Variants in LRIG2 observed in about 807,000 individuals in gnomAD.
LRIG2 encodes the protein leucine-rich repeats and immunoglobulin-like domains protein 2.
A neutral mutation model predicts 107.8 loss-of-function variants in LRIG2; 93 were observed. The observed-to-expected ratio is 0.86, with a 90% confidence interval of 0.73 to 1.03. The LOEUF is 1.03. Among genes scored for constraint, LRIG2 ranks in the 50% least tolerant of loss-of-function variants. The pLI, the probability that LRIG2 is intolerant of heterozygous loss-of-function variation, is 0.00. For missense variants in LRIG2, 1,226 were observed against 1,296.0 expected (o/e 0.95, Z 0.83); for synonymous variants, 471 against 470.6 (o/e 1.00, Z -0.01).
rs746528662 is a variant in LRIG2 at position 113,110,559 on chromosome 1, A to T, written c.1795A>T (p.Asn599Tyr). The T allele has an allele frequency of 6.3e-7, 1 of 1,595,108 alleles. No homozygotes were observed. Among genetic ancestry groups the T allele is most frequent in the Non-Finnish European group, 8.6e-7 (1 of 1,166,174 alleles). ...NYSQKAKLTV[N>Y]EMPSFLKTPM... is the part of the protein sequence containing the mutation. Reference sequence around the variant, plus strand: ...TTCTCAGAAAGCCAAACTGACTGTAAATGGTAAGGAATTATGCTCCTTGAT... The same window carrying T: ...TTCTCAGAAAGCCAAACTGACTGTATATGGTAAGGAATTATGCTCCTTGAT... Residue 599 changes from asparagine to tyrosine, a missense_variant, in exon 13 of 18, where the codon AAT becomes TAT. Asn to Tyr is a moderately radical substitution (Grantham distance 143). This residue lies in a region of LRIG2 where 642 missense variants were observed against 712.2 expected (regional missense o/e 0.90). Transcript: ENST00000361127.
intron 15 of LRIG2, among the ~76,000 whole-genome samples, chr1:113,115,923 T>G (rs1654987281): frequency 2.6e-5 from 4 of 152,222 alleles, no homozygotes; most frequent in Admixed American, 2.6e-4. Context: ...GGAGCCCTTG[T>G]GATTGAGATC....
Position 113,098,733 on chromosome 1 carries a change from G to A in LRIG2, c.1120G>A (p.Ala374Thr), listed in dbSNP as rs1313686689. The A allele has an allele frequency of 1.2e-6, 2 of 1,612,562 alleles. No homozygotes were observed. The highest frequency in any genetic ancestry group is 2.7e-5 in the African/African-American group (2 of 74,866). Residue 374 changes from alanine to threonine, a missense_variant, in exon 9 of 18, where the codon GCC (alanine) becomes ACC (threonine). This residue lies in a region of LRIG2 where 570 missense variants were observed against 550.2 expected (regional missense o/e 1.04). Transcript: ENST00000361127. ...CTTAAGAAACAATGAAATTTCATGG[G>A]CCATAGAAGATGCTAGTGAAGCCTT... ...LDLRNNEISW[A>T]IEDASEAFAG...
At chr1:113,073,700 A>AG in intron 1 of LRIG2, 55 bp downstream of exon 1, 2 of 1,523,012 alleles carry the variant, frequency 1.3e-6, no homozygotes, top group Non-Finnish European at 1.8e-6. Context: ...TTCCCTCTAC[A>AG]GGGGGCAGGC....
chr1:113,092,981 C>T (rs1185949080), intron 2 of LRIG2, among the ~76,000 whole-genome samples: 1 of 150,524 alleles, frequency 6.6e-6, no homozygotes, highest in Non-Finnish European at 1.5e-5. Flanking sequence ...AAGAATGAAA[C>T]TCTGTTTCAA....
chr1:113,116,302 C>G lies in LRIG2; in HGVS notation c.2546C>G (p.Pro849Arg), dbSNP rs776013042. Residue 849 changes from proline to arginine, a missense_variant, in exon 16 of 18, where the codon CCT becomes CGT. Physicochemically the swap from Pro to Arg is moderately radical, Grantham distance 103 (BLOSUM62 -2). Coordinates refer to ENST00000361127, the MANE Select transcript of LRIG2 (RefSeq NM_014813.3). Reference protein sequence around the residue: ...SITNTEELNLPADIPSYLSSQ... With the variant: ...SITNTEELNLRADIPSYLSSQ... ...TCTTTTACAGAGGAGCTCAATCTGC[C>G]TGCAGACATTCCCAGCTACTTGTCT... 1 of 1,613,522 alleles carries G rather than the reference C, an allele frequency of 6.2e-7. No homozygotes were observed. The highest frequency in any genetic ancestry group is 1.1e-5 in the South Asian group (1 of 90,968).
intron 17 of LRIG2, among the ~76,000 whole-genome samples, chr1:113,120,505 A>AT (rs751770841): frequency 0.03 from 3,817 of 126,246 alleles, 127 homozygotes; most frequent in African/African-American, 0.088. Context: ...TACTGAGAAG[A>AT]TTTTTTTTTT....
chr1:113,111,859 G>A (rs1022336733), intron 13 of LRIG2, among the ~76,000 whole-genome samples: 2 of 152,100 alleles, frequency 1.3e-5, no homozygotes, highest in Non-Finnish European at 2.9e-5. Flanking sequence ...GCAGGCTGGA[G>A]TGCAGTGGTG....
At chr1:113,115,018 A>C in intron 15 of LRIG2, 142 bp downstream of exon 15, 1 of 746,596 alleles carries the variant, frequency 1.3e-6, no homozygotes, top group Non-Finnish European at 2.1e-6. Context: ...ATGAGGTGGG[A>C]GGACTGCTTG....
chr1:113,100,402 C>A lies in LRIG2; in HGVS notation c.1245-18C>A. 6.7e-7 allele frequency: 1 copy of A among 1,496,096 alleles called. No homozygotes were observed. The highest frequency in any genetic ancestry group is 1.2e-5 in the South Asian group (1 of 86,552). 92.7% of individuals were successfully genotyped at this position (1,496,096 alleles called of 1,614,324 possible). A position where few individuals can be genotyped will look rare whatever the true frequency, so the allele number is the denominator to read the frequency against. On this transcript the variant is annotated intron_variant, in intron 10 of 17. Coordinates refer to ENST00000361127, the MANE Select transcript of LRIG2 (RefSeq NM_014813.3). Reference sequence around the variant, plus strand: ...ATAGAAATGGTGACTGATAATGTTTCATTTCTCTTTATTTCAGAGATTTGA... The same window carrying A: ...ATAGAAATGGTGACTGATAATGTTTAATTTCTCTTTATTTCAGAGATTTGA...
Position 113,076,311 on chromosome 1 carries a change from C to T in LRIG2, c.239+2666C>T, listed in dbSNP as rs188551657. On this transcript the variant is annotated intron_variant, in intron 1 of 17. Coordinates refer to ENST00000361127, the MANE Select transcript of LRIG2 (RefSeq NM_014813.3). ...ACGAGCCACTGCGCTTGGCCACAGC[C>T]GGGCCTACATTTAAGATTCTCCGTT... Among the ~76,000 whole-genome samples, 45 of 152,252 alleles carry T rather than the reference C, an allele frequency of 3.0e-4. 2 individuals are homozygous for T. In the East Asian group the frequency reaches 7.7e-3, roughly 26 times the overall value.
chr1:113,100,956 G>A (rs956805281), intron 11 of LRIG2, among the ~76,000 whole-genome samples: 7 of 152,194 alleles, frequency 4.6e-5, no homozygotes, highest in African/African-American at 1.7e-4. Flanking sequence ...ACAAGTGTGT[G>A]TATGTATCAT....
Position 113,091,376 on chromosome 1 carries a change from C to A in LRIG2, c.298C>A (p.Gln100Lys). ...CATCAGCTTGGAATCACAAACATTA[C>A]AGGAAGTGTAAGTTATTTTTATTTA... ...WNISLESQTL[Q>K]EVKMNYNELT... Residue 100 changes from glutamine (Q) to lysine (K), a missense_variant, in exon 2 of 18, where the codon CAG (glutamine) becomes AAG (lysine). Physicochemically the swap from Gln to Lys is moderately conservative, Grantham distance 53 (BLOSUM62 1). This residue lies in a region of LRIG2 where 570 missense variants were observed against 550.2 expected (regional missense o/e 1.04). Transcript: ENST00000361127. 6.3e-7 allele frequency: 1 copy of A among 1,584,808 alleles called. No individual in the cohort carries two copies. Among genetic ancestry groups the A allele is most frequent in the Non-Finnish European group, 8.6e-7 (1 of 1,160,806 alleles).
intron 1 of LRIG2, among the ~76,000 whole-genome samples, chr1:113,074,470 G>A (rs548753637): frequency 6.6e-6 from 1 of 152,302 alleles, no homozygotes; most frequent in East Asian, 1.9e-4. Context: ...CTTAGTCTGA[G>A]TCAGCCTGGT....
chr1:113,097,482 T>A (rs1217439026), intron 8 of LRIG2, among the ~76,000 whole-genome samples: 13 of 152,220 alleles, frequency 8.5e-5, no homozygotes. Context: ...AAAAAATTCC[T>A]TTAGATTTGG....
At chr1:113,079,613 G>A (rs1385271329) in intron 1 of LRIG2, among the ~76,000 whole-genome samples, 1 of 150,592 alleles carries the variant, frequency 6.6e-6, no homozygotes, top group African/African-American at 2.4e-5. Context: ...AGCCCGGGAG[G>A]CAGAGGTTGT....
intron 1 of LRIG2, among the ~76,000 whole-genome samples, chr1:113,078,917 G>T (rs990174285): frequency 5.3e-5 from 8 of 152,136 alleles, no homozygotes; most frequent in Non-Finnish European, 1.0e-4. Context: ...TGGGATTACA[G>T]TTGTGAGCCA....
At chr1:113,123,261 T>C (rs191233875) in intron 17 of LRIG2, among the ~76,000 whole-genome samples, 2 of 152,356 alleles carry the variant, frequency 1.3e-5, no homozygotes, top group East Asian at 1.9e-4. Flanking sequence ...TTCTTTTCCA[T>C]GTGTCTAAAG....
intron 6 of LRIG2, among the ~76,000 whole-genome samples, chr1:113,095,511 C>T (rs1009912468): frequency 5.3e-5 from 8 of 150,210 alleles, no homozygotes; most frequent in Middle Eastern, 3.6e-3. Context: ...TGGGTTCAAG[C>T]GATTCTCCTG....
At chr1:113,091,442 G>A in intron 2 of LRIG2, 59 bp downstream of exon 2, 1 of 1,112,106 alleles carries the variant, frequency 9.0e-7, no homozygotes. Context: ...TTAATAAATT[G>A]TGATTTGTGG....
Sources: allele counts gnomAD v4.1 joint callset (sites outside exome capture counted in the v4.1 genomes callset), GRCh38; gene constraint gnomAD v4.1.1; regional missense constraint gnomAD v4.1.1; transcripts MANE v1.5; gene names NCBI Gene and HGNC (gene_info 2026-07-23, HGNC 2026-07-21).